Variants in RND1 observed in about 807,000 individuals in gnomAD.
RND1 encodes rho-related GTP-binding protein Rho6.
RND1 carries 9 observed loss-of-function variants against 27.1 expected under a neutral mutation model. The observed-to-expected ratio is 0.33, with a 90% confidence interval of 0.20 to 0.58. The LOEUF (loss-of-function observed/expected upper bound fraction) is 0.58. Ranked by LOEUF, RND1 falls within the 20% of genes least tolerant of loss-of-function variation. RND1 has a pLI of 0.86. For synonymous variants in RND1, 108 were observed against 115.7 expected (o/e 0.93, Z 0.43); for missense variants, 253 against 292.2 (o/e 0.87, Z 0.98).
rs141121524 is a variant in RND1, at chr12:48,864,416, T to TGTGC, written c.208+366_208+367insGCAC. 4.5e-4 allele frequency among the ~76,000 whole-genome samples: 61 copies of TGTGC among 135,556 alleles called. 1 individual carries two copies. The highest frequency in any genetic ancestry group is 3.8e-3 in the Middle Eastern group (1 of 264). 88.9% of individuals were successfully genotyped at this position (135,556 alleles called of 152,430 possible). ...GTGTGTGTGTGTGTGTGTGTGTGTG[T>TGTGC]GCGCGCGCGCGCGTGTGTGTGCATG... is the stretch of plus-strand genomic sequence containing the variant. On this transcript the variant is annotated intron_variant, in intron 2 of 4. Transcript: ENST00000309739.
intron 4 of RND1, 114 bp downstream of exon 4, chr12:48,860,883 A>G: frequency 6.8e-7 from 1 of 1,468,924 alleles, no homozygotes; most frequent in Non-Finnish European, 9.4e-7. Flanking sequence ...GCTAATTATA[A>G]CAGCAATTCT....
intron 3 of RND1, 143 bp from the exon 4 acceptor site, chr12:48,861,274 G>C (rs1242641501): frequency 1.4e-5 from 12 of 861,306 alleles, no homozygotes; most frequent in South Asian, 8.8e-5. Context: ...CTGAGTCACA[G>C]CATCACCGTT....
At chr12:48,858,964 T>A (rs1385877474) in intron 4 of RND1, 2 of 143,458 alleles carry the variant, frequency 1.4e-5, no homozygotes, top group Non-Finnish European at 1.5e-5. Flanking sequence ...TTTCTTTTCT[T>A]TTTTTTTTTT....
intron 2 of RND1, among the ~76,000 whole-genome samples, chr12:48,864,416 T>TGCGCGCGCGCGC (rs57360089): frequency 7.4e-6 from 1 of 135,460 alleles, no homozygotes; most frequent in African/African-American, 2.7e-5. Flanking sequence ...TGTGTGTGTG[T>TGCGCGCGCGCGC]GCGCGCGCGC....
chr12:48,861,207 A>T, intron 3 of RND1, 76 bp from the exon 4 acceptor site: 2 of 1,485,274 alleles, frequency 1.3e-6, no homozygotes, highest in Non-Finnish European at 1.8e-6. Flanking sequence ...TACCAGGAGA[A>T]GCTTGGCTGG....
intron 2 of RND1, among the ~76,000 whole-genome samples, chr12:48,863,927 G>T (rs1271513208): frequency 1.3e-5 from 2 of 152,052 alleles, no homozygotes. Context: ...TATTGAAAAA[G>T]GTCTGGGGTA....
At chr12:48,860,875 T>C in intron 4 of RND1, 122 bp downstream of exon 4, 1 of 1,421,506 alleles carries the variant, frequency 7.0e-7, no homozygotes, top group Non-Finnish European at 9.8e-7. Flanking sequence ...ACTCATTTGC[T>C]AATTATAACA....
At chr12:48,859,980 G>T (rs189528929) in intron 4 of RND1, among the ~76,000 whole-genome samples, 5 of 151,926 alleles carry the variant, frequency 3.3e-5, no homozygotes, top group Non-Finnish European at 5.9e-5. Flanking sequence ...GTTTCACCAC[G>T]TTGGCCAGGC....
chr12:48,861,977 A>G, intron 3 of RND1, 32 bp downstream of exon 3: 1 of 1,230,578 alleles, frequency 8.1e-7, no homozygotes, highest in South Asian at 1.2e-5. Flanking sequence ...CCTCATGCTG[A>G]GTTAGAGATT....
At position 48,858,129 on chromosome 12, in the gene RND1, T is replaced by C; in HGVS notation, c.566A>G (p.Asn189Ser). ...CTTCTGGGGCAGTGGGCTAGGCTTG[T>C]TCAGACACAGCATGGATGCCGTCCG... ...IFRTASMLCL[N>S]KPSPLPQKSP... The change falls in exon 5 of 5, where the codon AAC becomes AGC. Residue 189 changes from asparagine (N) to serine (S), a missense_variant. By Grantham distance (46) the Asn-to-Ser change is conservative (BLOSUM62 1). Transcript: ENST00000309739. 1 of 1,614,190 alleles carries C rather than the reference T, an allele frequency of 6.2e-7. No homozygotes were observed. Among genetic ancestry groups the C allele is most frequent in the Non-Finnish European group, 8.5e-7 (1 of 1,180,036 alleles).
At chr12:48,858,387 T>C in intron 4 of RND1, 146 bp from the exon 5 acceptor site, 1 of 862,334 alleles carries the variant, frequency 1.2e-6, no homozygotes, top group Non-Finnish European at 1.7e-6. Flanking sequence ...CGATTATCTT[T>C]TCTTTTTTTT....
chr12:48,863,661 TG>T (rs1484090946), intron 2 of RND1, among the ~76,000 whole-genome samples: 1 of 152,152 alleles, frequency 6.6e-6, no homozygotes, highest in Non-Finnish European at 1.5e-5. Flanking sequence ...GGGGAATTTT[TG>T]TTTGGGGAGG....
At chr12:48,864,973 G>A in intron 1 of RND1, 103 bp from the exon 2 acceptor site, 3 of 894,198 alleles carry the variant, frequency 3.4e-6, no homozygotes, top group Non-Finnish European at 5.6e-6. Context: ...TAAAGTCACA[G>A]GAGACAAGAA....
At chr12:48,859,837 A>G (rs953948490) in intron 4 of RND1, among the ~76,000 whole-genome samples, 1 of 152,152 alleles carries the variant, frequency 6.6e-6, no homozygotes, top group African/African-American at 2.4e-5. Context: ...ATAAACAACT[A>G]TTGTGCCACT....
intron 2 of RND1, among the ~76,000 whole-genome samples, chr12:48,864,416 T>TGTGTGTGTGTGC (rs141121524): frequency 1.7e-4 from 23 of 135,558 alleles, no homozygotes; most frequent in Middle Eastern, 3.8e-3. Context: ...TGTGTGTGTG[T>TGTGTGTGTGTGC]GCGCGCGCGC....
Position 48,862,058 on chromosome 12 carries a change from A to G in RND1, c.269T>C (p.Leu90Pro). ...CTCTGGACGGCTGATGTCAAAACAT[A>G]GTAATACTGCATCCGAGTCGCTGTA... The part of the protein sequence containing the change: ...LCYSDSDAVL[L>P]CFDISRPETV... The change falls in exon 3 of 5, where the codon CTA (leucine) becomes CCA (proline). Residue 90 changes from leucine to proline, a missense_variant. By Grantham distance (98) the Leu-to-Pro change is moderately conservative. Transcript: ENST00000309739. The G allele has an allele frequency of 6.2e-7, 1 of 1,613,696 alleles. No homozygotes were observed. Among genetic ancestry groups the G allele is most frequent in the Non-Finnish European group, 8.5e-7 (1 of 1,179,574 alleles).
intron 4 of RND1, among the ~76,000 whole-genome samples, chr12:48,860,455 C>A (rs976716462): frequency 2.6e-5 from 4 of 151,744 alleles, no homozygotes; most frequent in Non-Finnish European, 4.4e-5. Context: ...GTGGCATGAT[C>A]ACAGCTCCTT....
Position 48,857,903 on chromosome 12 carries a change from CCA to C in RND1, c.*91_*92del. 1 of 1,460,466 alleles carries C rather than the reference CCA, an allele frequency of 6.8e-7. No individual in the cohort carries two copies. The highest frequency in any genetic ancestry group is 9.2e-7 in the Non-Finnish European group (1 of 1,087,586). 90.5% of individuals were successfully genotyped at this position (1,460,466 alleles called of 1,614,324 possible). A position where few individuals can be genotyped will look rare whatever the true frequency, so the allele number is the denominator to read the frequency against. ...CCGTGGCCATCTGAAAAACTCATGTCCAGTGTCCTAAATTGTCTCATCCTCCC... is the reference window on the plus strand; with the variant it reads ...CCGTGGCCATCTGAAAAACTCATGTCGTGTCCTAAATTGTCTCATCCTCCC... On this transcript the variant is annotated 3_prime_UTR_variant, in exon 5 of 5. Transcript: ENST00000309739.
At chr12:48,862,831 G>T (rs1459085417) in intron 2 of RND1, among the ~76,000 whole-genome samples, 1 of 152,174 alleles carries the variant, frequency 6.6e-6, no homozygotes, top group East Asian at 1.9e-4. Context: ...ATGGGAGAAT[G>T]CTAGGAGCTG....
Sources: allele counts gnomAD v4.1 joint callset (sites outside exome capture counted in the v4.1 genomes callset), GRCh38; gene constraint gnomAD v4.1.1; transcripts MANE v1.5; gene names NCBI Gene and HGNC (gene_info 2026-07-23, HGNC 2026-07-21).